The following PSKH1 variants were observed in gnomAD, a reference collection of about 807,000 sequenced individuals.
PSKH1 encodes the protein serine/threonine-protein kinase H1.
In PSKH1, 12 loss-of-function variants were observed where a neutral mutation model predicts 26.7. The ratio of observed to expected loss-of-function variants is 0.45; its 90% CI spans 0.29 to 0.73. The LOEUF is 0.73. PSKH1 is among the 30% of genes least tolerant of loss of function. The probability of loss-of-function intolerance (pLI) is 0.11; values close to 1 mark genes in which losing one functional copy is unlikely to be tolerated. For synonymous variants in PSKH1, 213 were observed against 234.3 expected, an observed-to-expected ratio of 0.91 and a Z score of 0.83; for missense variants, 431 against 595.2, an observed-to-expected ratio of 0.72 and a Z score of 2.87.
Position 67,913,474 on chromosome 16 carries a change from T to G in PSKH1, c.957+3768T>G, listed in dbSNP as rs575034058. 4.5e-4 allele frequency among the ~76,000 whole-genome samples: 69 copies of G among 152,260 alleles called. 1 individual carries two copies. Among genetic ancestry groups the G allele is most frequent in the Non-Finnish European group, 8.8e-4 (60 of 68,018 alleles). On this transcript the variant is annotated intron_variant, in intron 2 of 2. Coordinates refer to ENST00000291041, the MANE Select transcript of PSKH1 (RefSeq NM_006742.3). ...AGACCCTGTCTTAAAAAAAATTTTT[T>G]TTTTTAAAAAGCCTGTCCTGGTGTT...
intron 2 of PSKH1, among the ~76,000 whole-genome samples, chr16:67,916,918 A>G (rs1043151266): frequency 6.6e-6 from 1 of 152,246 alleles, no homozygotes; most frequent in Admixed American, 6.5e-5. Context: ...CTGGCACTCC[A>G]GATCCCCCAG....
intron 2 of PSKH1, among the ~76,000 whole-genome samples, chr16:67,915,973 C>T (rs979028314): frequency 3.3e-5 from 5 of 152,190 alleles, no homozygotes; most frequent in African/African-American, 9.7e-5. Context: ...AGAATGAACC[C>T]GCATTGGCAG....
chr16:67,895,216 C>T (rs932223719), intron 1 of PSKH1, among the ~76,000 whole-genome samples: 3 of 151,358 alleles, frequency 2.0e-5, no homozygotes, highest in African/African-American at 4.9e-5. Context: ...AGCCACTATG[C>T]CTGGCTGAGA....
chr16:67,929,091 G>A lies in PSKH1; in HGVS notation c.*1449G>A, dbSNP rs1400721336. 6.6e-6 allele frequency: 1 copy of A among 152,650 alleles called. No individual in the cohort carries two copies. The highest frequency in any genetic ancestry group is 1.9e-4 in the East Asian group (1 of 5,194). The allele number at this position is 152,650 out of a possible 1,614,324, so 9.5% of individuals were successfully genotyped here. ...CAGAACCATCCCCATTTCTTTTGTG[G>A]TATCTCCCCCTACCACAAACCAGGC... On this transcript the variant is annotated 3_prime_UTR_variant, in exon 3 of 3. Coordinates refer to ENST00000291041, the MANE Select transcript of PSKH1 (RefSeq NM_006742.3).
chr16:67,903,701 G>C (rs1381399713), intron 1 of PSKH1, among the ~76,000 whole-genome samples: 1 of 151,954 alleles, frequency 6.6e-6, no homozygotes, highest in Non-Finnish European at 1.5e-5. Flanking sequence ...CCAAATCTGT[G>C]CTTCTTGCTA....
intron 2 of PSKH1, among the ~76,000 whole-genome samples, chr16:67,910,892 A>C (rs751678492): frequency 2.0e-5 from 3 of 152,270 alleles, no homozygotes; most frequent in Non-Finnish European, 2.9e-5. Flanking sequence ...TGCAGGTCAC[A>C]TTCAACCGCC....
chr16:67,897,929 G>C (rs1320440211), intron 1 of PSKH1, among the ~76,000 whole-genome samples: 1 of 151,984 alleles, frequency 6.6e-6, no homozygotes, highest in Non-Finnish European at 1.5e-5. Flanking sequence ...CTCATTGCAA[G>C]CTCTGCCTTC....
intron 1 of PSKH1, among the ~76,000 whole-genome samples, chr16:67,905,551 A>G (rs185739440): frequency 3.3e-5 from 5 of 152,264 alleles, no homozygotes; most frequent in African/African-American, 1.2e-4. Flanking sequence ...TTAACACTTA[A>G]CCATGTTATA....
rs776561149 is a variant in PSKH1 at position 67,909,586 on chromosome 16, C to T, written c.837C>T (p.Asp279=). ...GCAAGCCATACACCAACTCAGTGGA[C>T]ATGTGGGCGCTGGGCGTCATTGCCT... is the stretch of plus-strand genomic sequence containing the variant. The part of the protein sequence containing the change: ...LVRKPYTNSV[D]MWALGVIAYI... Residue 279 remains aspartate, a synonymous_variant, in exon 2 of 3, where the codon GAC becomes GAT. Coordinates refer to ENST00000291041, the MANE Select transcript of PSKH1 (RefSeq NM_006742.3). This position sits in a 1 kb window ranked among gnomAD's most constrained non-coding sequence, Gnocchi z 7.8. 6.2e-7 allele frequency: 1 copy of T among 1,614,084 alleles called. No homozygotes were observed. The highest frequency in any genetic ancestry group is 1.1e-5 in the South Asian group (1 of 91,090).
At chr16:67,912,966 T>C (rs575122862) in intron 2 of PSKH1, among the ~76,000 whole-genome samples, 1 of 151,958 alleles carries the variant, frequency 6.6e-6, no homozygotes, top group African/African-American at 2.4e-5. Context: ...GGCAGGAGGA[T>C]CACCTGAAGC....
intron 1 of PSKH1, among the ~76,000 whole-genome samples, chr16:67,896,361 G>A (rs924895110): frequency 1.3e-5 from 2 of 151,566 alleles, no homozygotes; most frequent in East Asian, 3.9e-4. Flanking sequence ...CACTCACCTC[G>A]GACTCCCAAA....
rs1285798627 is a variant in PSKH1, at chr16:67,908,776, T to C, written c.27T>C (p.Leu9=). The stretch of plus-strand genomic sequence containing the variant: ...TGGGCTGTGGGACAAGCAAGGTCCT[T>C]CCCGAGCCACCCAAGGATGTCCAGC... The part of the protein sequence containing the change: MGCGTSKV[L]PEPPKDVQLD... The change falls in exon 2 of 3, where the codon CTT becomes CTC. Residue 9 remains leucine (L), a synonymous_variant. Coordinates refer to ENST00000291041, the MANE Select transcript of PSKH1 (RefSeq NM_006742.3). The C allele has an allele frequency of 6.3e-7, 1 of 1,597,072 alleles. No homozygotes were observed. The highest frequency in any genetic ancestry group is 8.6e-7 in the Non-Finnish European group (1 of 1,169,116).
chr16:67,895,225 G>T (rs2058122807), intron 1 of PSKH1, among the ~76,000 whole-genome samples: 1 of 149,540 alleles, frequency 6.7e-6, no homozygotes. Flanking sequence ...GCCTGGCTGA[G>T]ATTTTTTTTT....
At position 67,908,859 on chromosome 16, in the gene PSKH1, A is replaced by G; in HGVS notation, c.110A>G (p.His37Arg). 1 of 1,614,150 alleles carries G rather than the reference A, an allele frequency of 6.2e-7. No individual in the cohort carries two copies. Among genetic ancestry groups the G allele is most frequent in the Non-Finnish European group, 8.5e-7 (1 of 1,180,030 alleles). Residue 37 changes from histidine (H) to arginine (R), a missense_variant, in exon 2 of 3, where the codon CAC (histidine) becomes CGC (arginine). Transcript: ENST00000291041. ...GGCACTAAGAGTGACGTGTACAAGC[A>G]CTTCATCACAGAGGTGGACAGTGTT... Reference protein sequence around the residue: ...FSGTKSDVYKHFITEVDSVGP... With the variant: ...FSGTKSDVYKRFITEVDSVGP...
At chr16:67,917,461 G>C (rs183004595) in intron 2 of PSKH1, among the ~76,000 whole-genome samples, 184 of 152,358 alleles carry the variant, frequency 1.2e-3, no homozygotes, top group Admixed American at 3.9e-3. Flanking sequence ...TACATATGCT[G>C]TCCACTGTCG....
rs776667864 is a variant in PSKH1, at chr16:67,908,866, C to T, written c.117C>T (p.Ile39=). 2.5e-6 allele frequency: 4 copies of T among 1,614,064 alleles called. No individual in the cohort carries two copies. Among genetic ancestry groups the T allele is most frequent in the African/African-American group, 2.7e-5 (2 of 74,918 alleles). The change falls in exon 2 of 3, where the codon ATC becomes ATT. Residue 39 remains isoleucine, a synonymous_variant. Coordinates refer to ENST00000291041, the MANE Select transcript of PSKH1 (RefSeq NM_006742.3). ...GTKSDVYKHF[I]TEVDSVGPVK... is the part of the protein sequence containing the mutation. ...AGAGTGACGTGTACAAGCACTTCAT[C>T]ACAGAGGTGGACAGTGTTGGCCCTG...
chr16:67,893,757 C>T (rs2058118723), intron 1 of PSKH1, among the ~76,000 whole-genome samples: 1 of 152,248 alleles, frequency 6.6e-6, no homozygotes, highest in East Asian at 1.9e-4. Context: ...CACACCCCTC[C>T]TTTGCGTCTG....
chr16:67,906,352 G>A (rs1232083275), intron 1 of PSKH1, among the ~76,000 whole-genome samples: 1 of 148,928 alleles, frequency 6.7e-6, no homozygotes, highest in Admixed American at 6.7e-5. Context: ...GATTACAGGC[G>A]TGAGCCTCCG....
At chr16:67,895,402 G>C (rs1280414859) in intron 1 of PSKH1, among the ~76,000 whole-genome samples, 2 of 149,190 alleles carry the variant, frequency 1.3e-5, no homozygotes, top group Non-Finnish European at 1.5e-5. Flanking sequence ...TCTGGGGTAG[G>C]AATCTGTATT....
Sources: allele counts gnomAD v4.1 joint callset (sites outside exome capture counted in the v4.1 genomes callset), GRCh38; gene constraint gnomAD v4.1.1; non-coding constraint Gnocchi (gnomAD v3.1); transcripts MANE v1.5; gene names NCBI Gene and HGNC (gene_info 2026-07-23, HGNC 2026-07-21).